STK4: variants seen among roughly 807,000 people sequenced by gnomAD.
STK4 encodes the protein serine/threonine-protein kinase 4.
STK4 carries 30 observed loss-of-function variants against 64.9 expected under a neutral mutation model. The ratio of observed to expected loss-of-function variants is 0.46; its 90% CI spans 0.35 to 0.63. The LOEUF is 0.63. Among genes scored for constraint, STK4 ranks in the 20% least tolerant of loss-of-function variants. The probability of loss-of-function intolerance (pLI) is 0.01; values close to 1 mark genes in which losing one functional copy is unlikely to be tolerated. For missense variants in STK4, 466 were observed against 598.5 expected, an observed-to-expected ratio of 0.78 and a Z score of 2.31; for synonymous variants, 177 against 199.0, an observed-to-expected ratio of 0.89 and a Z score of 0.93.
intron 5 of STK4, among the ~76,000 whole-genome samples, chr20:44,992,301 C>T (rs562695091): frequency 6.6e-6 from 1 of 151,932 alleles, no homozygotes; most frequent in African/African-American, 2.4e-5. Flanking sequence ...CCCTGGCACC[C>T]AGGCTGGAGT....
chr20:44,996,064 G>C (rs555210158), intron 6 of STK4, among the ~76,000 whole-genome samples: 1 of 152,142 alleles, frequency 6.6e-6, no homozygotes, highest in Admixed American at 6.5e-5. Context: ...CTGTATTTTT[G>C]AACTCATGTC....
At chr20:44,988,549 A>G (rs1016352997) in intron 5 of STK4, among the ~76,000 whole-genome samples, 1,110 of 108,436 alleles carry the variant, frequency 0.01, 44 homozygotes, top group African/African-American at 0.024. Context: ...ATATATATAT[A>G]TATATATATA....
intron 1 of STK4, among the ~76,000 whole-genome samples, chr20:44,968,613 C>T (rs2067194200): frequency 6.6e-6 from 1 of 152,182 alleles, no homozygotes; most frequent in South Asian, 2.1e-4. Context: ...TCTCCGAGGC[C>T]TTGGTTTAAT....
At chr20:45,011,729 A>ATATATATATATATATATATATATATATAT (rs60170856) in intron 9 of STK4, among the ~76,000 whole-genome samples, 2 of 115,400 alleles carry the variant, frequency 1.7e-5, no homozygotes, top group Non-Finnish European at 3.5e-5. Flanking sequence ...ATATATATAT[A>ATATATATATATATATATATATATATATAT]TTTTTTTTTT....
At chr20:45,040,854 A>T (rs1259985065) in intron 10 of STK4, among the ~76,000 whole-genome samples, 1 of 152,082 alleles carries the variant, frequency 6.6e-6, no homozygotes, top group Non-Finnish European at 1.5e-5. Flanking sequence ...CTTTCATCCC[A>T]CATCTGTAAT....
At chr20:44,992,680 G>GT (rs1009479760) in intron 5 of STK4, among the ~76,000 whole-genome samples, 103 of 147,796 alleles carry the variant, frequency 7.0e-4, no homozygotes, top group Middle Eastern at 3.4e-3. Context: ...CTAATGTACT[G>GT]TTTTTTTTTT....
chr20:45,024,373 T>G (rs1387051136), intron 9 of STK4, among the ~76,000 whole-genome samples: 1 of 152,080 alleles, frequency 6.6e-6, no homozygotes, highest in Non-Finnish European at 1.5e-5. Flanking sequence ...TACTGTATCC[T>G]ATTTTTTCCT....
intron 10 of STK4, among the ~76,000 whole-genome samples, chr20:45,061,473 C>G (rs757482578): frequency 6.6e-6 from 1 of 152,136 alleles, no homozygotes; most frequent in Non-Finnish European, 1.5e-5. Flanking sequence ...TTGCTCTGTT[C>G]AGCATATCCA....
At chr20:45,033,453 G>A (rs571257840) in intron 10 of STK4, among the ~76,000 whole-genome samples, 3 of 152,036 alleles carry the variant, frequency 2.0e-5, no homozygotes, top group Admixed American at 6.6e-5. Flanking sequence ...TTTTGTATAC[G>A]GTTTAAGGAG....
At chr20:44,988,473 C>A (rs903207196) in intron 5 of STK4, among the ~76,000 whole-genome samples, 1 of 147,572 alleles carries the variant, frequency 6.8e-6, no homozygotes, top group South Asian at 2.1e-4. Context: ...CAGAGTGAGA[C>A]CCCATCTCAA....
chr20:44,970,170 G>GT (rs2067218647), intron 1 of STK4, among the ~76,000 whole-genome samples: 1 of 151,700 alleles, frequency 6.6e-6, no homozygotes, highest in Admixed American at 6.6e-5. Context: ...CATGGCACAT[G>GT]TATACATATG....
chr20:44,993,634 A>G (rs1225837400), intron 5 of STK4, among the ~76,000 whole-genome samples: 1 of 152,252 alleles, frequency 6.6e-6, no homozygotes, highest in Non-Finnish European at 1.5e-5. Flanking sequence ...TTTCAGAAGG[A>G]ATATCAGTGA....
Position 45,066,189 on chromosome 20 carries a change from C to T in STK4, c.1306-8829C>T, listed in dbSNP as rs1979559224. 3.3e-5 allele frequency among the ~76,000 whole-genome samples: 5 copies of T among 151,184 alleles called. No homozygotes were observed. The South Asian group carries it at 1.0e-3, about 32-fold the overall frequency. On this transcript the variant is annotated intron_variant, in intron 10 of 10. Transcript: ENST00000372806. ...TATACACATTATATATCTACACACA[C>T]ACACACACACACACACACACACACA...
chr20:44,996,035 G>A (rs184306876), intron 6 of STK4, among the ~76,000 whole-genome samples: 2 of 152,110 alleles, frequency 1.3e-5, no homozygotes, highest in Non-Finnish European at 2.9e-5. Context: ...TCTTATAATA[G>A]TGTTAAGAAG....
chr20:45,012,209 G>A (rs1276020108), intron 9 of STK4, among the ~76,000 whole-genome samples: 1 of 151,836 alleles, frequency 6.6e-6, no homozygotes, highest in Non-Finnish European at 1.5e-5. Context: ...CTAATGGTTT[G>A]TATTTTAGTA....
intron 9 of STK4, among the ~76,000 whole-genome samples, chr20:45,016,760 G>C (rs1359724321): frequency 6.6e-6 from 1 of 152,318 alleles, no homozygotes; most frequent in South Asian, 2.1e-4. Context: ...TTGGTAAAAG[G>C]AGAGCCAAGA....
At chr20:45,025,173 T>A in intron 10 of STK4, 43 bp downstream of exon 10, 2 of 1,570,900 alleles carry the variant, frequency 1.3e-6, no homozygotes, top group Non-Finnish European at 1.7e-6. Flanking sequence ...TCAGGGGAAG[T>A]TATTTGAAAT....
chr20:44,999,811 A>G (rs2067802831), intron 7 of STK4, among the ~76,000 whole-genome samples: 1 of 152,226 alleles, frequency 6.6e-6, no homozygotes, highest in Non-Finnish European at 1.5e-5. Flanking sequence ...AGAAAGAACA[A>G]GTCAGATGAG....
chr20:45,042,942 C>T (rs2068636867), intron 10 of STK4, among the ~76,000 whole-genome samples: 1 of 151,858 alleles, frequency 6.6e-6, no homozygotes. Flanking sequence ...ACAGATCATG[C>T]CATCACTTAG....
Sources: allele counts gnomAD v4.1 joint callset (sites outside exome capture counted in the v4.1 genomes callset), GRCh38; gene constraint gnomAD v4.1.1; transcripts MANE v1.5; gene names NCBI Gene and HGNC (gene_info 2026-07-23, HGNC 2026-07-21).